The following PAX2 variants were observed in gnomAD, a reference collection of about 807,000 sequenced individuals.
PAX2 encodes the protein paired box 2, also known as paired box protein Pax-2.
In PAX2, 9 loss-of-function variants were observed where a neutral mutation model predicts 41.7. The ratio of observed to expected loss-of-function variants is 0.22; its 90% CI spans 0.13 to 0.38. The LOEUF is 0.38. Among genes scored for constraint, PAX2 ranks in the 10% least tolerant of loss-of-function variants. The pLI, the probability that PAX2 is intolerant of heterozygous loss-of-function variation, is 1.00. For missense variants in PAX2, 418 were observed against 531.6 expected, an observed-to-expected ratio of 0.79 and a Z score of 2.10; for synonymous variants, 221 against 212.7, an observed-to-expected ratio of 1.04 and a Z score of -0.34.
Position 100,769,582 on chromosome 10 carries a change from T to C in PAX2, c.411-9916T>C, listed in dbSNP as rs908375372. ...GTTGCAGTGAGCTGAGATTGTGCCA[T>C]TGTACTCCAGCCTGGGCAACAGTGT... On this transcript the variant is annotated intron_variant, in intron 3 of 9. Transcript: ENST00000355243. 3.3e-5 allele frequency among the ~76,000 whole-genome samples: 5 copies of C among 149,348 alleles called. No homozygotes were observed. In the South Asian group the frequency reaches 6.3e-4, roughly 19 times the overall value.
chr10:100,800,555 A>T (rs1175434547), intron 5 of PAX2, among the ~76,000 whole-genome samples: 3 of 152,186 alleles, frequency 2.0e-5, no homozygotes, highest in Non-Finnish European at 2.9e-5. Flanking sequence ...GATTACAGGC[A>T]TGAGCCACTA....
intron 7 of PAX2, among the ~76,000 whole-genome samples, chr10:100,823,293 A>C (rs907907037): frequency 6.6e-6 from 1 of 152,206 alleles, no homozygotes; most frequent in African/African-American, 2.4e-5. Context: ...AGCCAAGGAA[A>C]ATGTTCAGCA....
chr10:100,736,689 G>A (rs1290758388), intron 1 of PAX2, among the ~76,000 whole-genome samples: 1 of 151,886 alleles, frequency 6.6e-6, no homozygotes, highest in Non-Finnish European at 1.5e-5. Flanking sequence ...CAATCCCTGG[G>A]CTGTACCCAA....
rs1040540895 is a variant in PAX2, at chr10:100,829,442, G to A, written c.*1823G>A. Reference sequence around the variant, plus strand: ...GCCCCGCGCGCCCCGGGCGGCCGAAGGCCGGGCCGCCCCGTCCCGCCCCGT... The same window carrying A: ...GCCCCGCGCGCCCCGGGCGGCCGAAAGCCGGGCCGCCCCGTCCCGCCCCGT... On this transcript the variant is annotated 3_prime_UTR_variant, in exon 10 of 10. Coordinates refer to ENST00000355243, the MANE Select transcript of PAX2 (RefSeq NM_000278.5). 1 of 204,920 alleles carries A rather than the reference G, an allele frequency of 4.9e-6. No homozygotes were observed. Among genetic ancestry groups the A allele is most frequent in the African/African-American group, 2.3e-5 (1 of 43,578 alleles). The allele number at this position is 204,920 out of a possible 1,614,324, so 12.7% of individuals were successfully genotyped here. A position where few individuals can be genotyped will look rare whatever the true frequency, so the allele number is the denominator to read the frequency against.
intron 7 of PAX2, among the ~76,000 whole-genome samples, chr10:100,818,039 G>A (rs1256387107): frequency 6.6e-6 from 1 of 152,158 alleles, no homozygotes; most frequent in East Asian, 1.9e-4. Flanking sequence ...TATGTCAAAT[G>A]CAGGCATAGA....
chr10:100,798,882 G>T (rs1236947828), intron 5 of PAX2, among the ~76,000 whole-genome samples: 1 of 152,240 alleles, frequency 6.6e-6, no homozygotes, highest in African/African-American at 2.4e-5. Context: ...GTGCCGCCGT[G>T]GGGGTGGGGC....
chr10:100,797,805 C>T (rs1029524383), intron 5 of PAX2, among the ~76,000 whole-genome samples: 1 of 152,164 alleles, frequency 6.6e-6, no homozygotes, highest in Non-Finnish European at 1.5e-5. Flanking sequence ...AGCAAGTGAG[C>T]AACAAAACTA....
chr10:100,759,252 G>A (rs1845752542), intron 3 of PAX2, among the ~76,000 whole-genome samples: 1 of 152,196 alleles, frequency 6.6e-6, no homozygotes, highest in Non-Finnish European at 1.5e-5. Flanking sequence ...TGATGAAGGA[G>A]AAAGGGGAAG....
Position 100,750,138 on chromosome 10 carries a change from G to C in PAX2, c.212+224G>C, listed in dbSNP as rs1845380393. 6.6e-6 allele frequency among the ~76,000 whole-genome samples: 1 copy of C among 152,186 alleles called. No homozygotes were observed. Among genetic ancestry groups the C allele is most frequent in the South Asian group, 2.1e-4 (1 of 4,830 alleles). On this transcript the variant is annotated intron_variant, in intron 2 of 9. Transcript: ENST00000355243. The surrounding 1 kb of genome is among the most constrained non-coding windows in gnomAD (Gnocchi z 4.1). The stretch of plus-strand genomic sequence containing the variant: ...TCACCCAGTGCTTGCCCTGCCCCTG[G>C]TCCCTGGTGAGAAGGCAGCCCGTTT...
In PAX2 at chr10:100,750,595, C is replaced by G; in HGVS notation, c.213-99C>G. On this transcript the variant is annotated intron_variant, in intron 2 of 9. Coordinates refer to ENST00000355243, the MANE Select transcript of PAX2 (RefSeq NM_000278.5). This position sits in a 1 kb window ranked among gnomAD's most constrained non-coding sequence, Gnocchi z 4.1. The stretch of plus-strand genomic sequence containing the variant: ...GCCTTTTCCCTCCACTCCGCTGCCT[C>G]GGCCGGGCAGGAGAGTGGCTCAGCA... 1 of 1,086,710 alleles carries G rather than the reference C, an allele frequency of 9.2e-7. No homozygotes were observed. Among genetic ancestry groups the G allele is most frequent in the South Asian group, 1.3e-5 (1 of 74,990 alleles). The allele number at this position is 1,086,710 out of a possible 1,614,324, so 67.3% of individuals were successfully genotyped here. A position where few individuals can be genotyped will look rare whatever the true frequency, so the allele number is the denominator to read the frequency against.
At chr10:100,779,428 G>A in intron 3 of PAX2, 70 bp from the exon 4 acceptor site, 2 of 1,319,442 alleles carry the variant, frequency 1.5e-6, no homozygotes, top group South Asian at 2.5e-5. Flanking sequence ...CCCCTTTGCA[G>A]GGCTGGGCTG....
chr10:100,794,030 G>A (rs1207293376), intron 5 of PAX2, among the ~76,000 whole-genome samples: 4 of 152,314 alleles, frequency 2.6e-5, no homozygotes, highest in African/African-American at 7.2e-5. Flanking sequence ...CAGCCTGGGA[G>A]CCTGGGAGTG....
chr10:100,763,109 A>G (rs1213559721), intron 3 of PAX2, among the ~76,000 whole-genome samples: 2 of 152,192 alleles, frequency 1.3e-5, no homozygotes, highest in African/African-American at 4.8e-5. Flanking sequence ...GTTTTGTCAA[A>G]TAGCTGCTAC....
chr10:100,821,418 T>A (rs1589901774), intron 7 of PAX2, among the ~76,000 whole-genome samples: 2 of 152,232 alleles, frequency 1.3e-5, no homozygotes, highest in Admixed American at 1.3e-4. Context: ...ACGAGGAAGC[T>A]TGCGTGCTTT....
At chr10:100,785,211 A>G (rs1362767604) in intron 5 of PAX2, among the ~76,000 whole-genome samples, 4 of 152,224 alleles carry the variant, frequency 2.6e-5, no homozygotes, top group African/African-American at 9.6e-5. Context: ...ATCTACAATC[A>G]GGCTGAAAAC....
chr10:100,748,032 C>A lies in PAX2; in HGVS notation c.44-1714C>A. ...GGCCGGTGGACTGGTGGGTGAGACA[C>A]CGCAGCCCGAGTCGGTGCTGGCGGC... On this transcript the variant is annotated intron_variant, in intron 1 of 9. Transcript: ENST00000355243. This position sits in a 1 kb window ranked among gnomAD's most constrained non-coding sequence, Gnocchi z 5.0. 1.0e-6 allele frequency: 1 copy of A among 984,918 alleles called. No homozygotes were observed. Among genetic ancestry groups the A allele is most frequent in the South Asian group, 4.7e-5 (1 of 21,272 alleles). 61.0% of individuals were successfully genotyped at this position (984,918 alleles called of 1,614,324 possible).
intron 6 of PAX2, among the ~76,000 whole-genome samples, chr10:100,808,000 C>T (rs949103159): frequency 3.9e-5 from 6 of 152,184 alleles, no homozygotes; most frequent in African/African-American, 9.7e-5. Flanking sequence ...CTGGCCGAGG[C>T]GGGCGGCTCA....
At chr10:100,807,229 C>T (rs746965674) in intron 6 of PAX2, among the ~76,000 whole-genome samples, 1 of 152,142 alleles carries the variant, frequency 6.6e-6, no homozygotes, top group South Asian at 2.1e-4. Context: ...AACGCAGAAA[C>T]CATCTCCGAA....
Position 100,781,315 on chromosome 10 carries a change from G to A in PAX2, c.566G>A (p.Gly189Glu). The change falls in exon 5 of 10, where the codon GGG (glycine) becomes GAG (glutamate). Residue 189 changes from glycine to glutamate, a missense_variant. By Grantham distance (98) the Gly-to-Glu change is moderately conservative (BLOSUM62 -2). Around this residue, in one of 2 missense-constraint regions of PAX2, gnomAD observed 310 missense variants for 325.2 expected, o/e 0.95. Coordinates refer to ENST00000355243, the MANE Select transcript of PAX2 (RefSeq NM_000278.5). ...CCAGTGGGATCCTACTCCATCAATG[G>A]GATCCTGGGGATTCCTCGCTCCAAT... ...NDPVGSYSIN[G>E]ILGIPRSNGE... 1 of 1,613,982 alleles carries A rather than the reference G, an allele frequency of 6.2e-7. No homozygotes were observed. The highest frequency in any genetic ancestry group is 8.5e-7 in the Non-Finnish European group (1 of 1,179,856).
Sources: gnomAD v4.1 joint callset for allele counts (sites outside exome capture counted in the v4.1 genomes callset) on GRCh38, gnomAD v4.1.1 for gene constraint, gnomAD v4.1.1 regional missense constraint, Gnocchi (gnomAD v3.1) non-coding constraint, MANE v1.5 for transcripts, NCBI Gene and HGNC (gene_info 2026-07-23, HGNC 2026-07-21) for gene names.